The following MMS22L variants were observed in gnomAD, a reference collection of about 807,000 sequenced individuals.
MMS22L encodes MMS22 like, DNA repair protein, also known as protein MMS22-like.
Under a neutral mutation model 159.1 loss-of-function variants are expected in MMS22L, and 74 were observed. The ratio of observed to expected loss-of-function variants is 0.47; its 90% CI spans 0.39 to 0.56. The LOEUF (loss-of-function observed/expected upper bound fraction) is 0.56, where lower values mean the gene tolerates loss of function less well. MMS22L is among the 20% of genes least tolerant of loss of function. The pLI is 0.00. For synonymous variants in MMS22L, 517 were observed against 506.9 expected, an observed-to-expected ratio of 1.02 and a Z score of -0.27; for missense variants, 1,351 against 1,422.1, an observed-to-expected ratio of 0.95 and a Z score of 0.80.
At chr6:97,256,467 C>A (rs1813822279) in intron 9 of MMS22L, among the ~76,000 whole-genome samples, 1 of 152,104 alleles carries the variant, frequency 6.6e-6, no homozygotes, top group African/African-American at 2.4e-5. Context: ...CATTCTTCTG[C>A]CTAAATATCC....
intron 8 of MMS22L, chr6:97,265,160 C>T (rs951498374): frequency 1.3e-5 from 2 of 152,156 alleles, no homozygotes; most frequent in Admixed American, 6.5e-5. Flanking sequence ...TACAAAGCTA[C>T]AGTAATCAAA....
chr6:97,158,494 G>A (rs373281755), intron 22 of MMS22L, among the ~76,000 whole-genome samples: 2 of 152,164 alleles, frequency 1.3e-5, no homozygotes, highest in East Asian at 1.9e-4. Flanking sequence ...GTGTCCCAGA[G>A]ATTCTGGTAC....
intron 11 of MMS22L, among the ~76,000 whole-genome samples, chr6:97,237,569 C>A (rs1451889955): frequency 6.6e-6 from 1 of 152,134 alleles, no homozygotes; most frequent in East Asian, 1.9e-4. Context: ...TAAGAGCTCT[C>A]TGAAAGATAG....
In MMS22L at chr6:97,173,112, C is replaced by A. The variant is rs1803721532; in HGVS notation, c.2790G>T (p.Leu930Phe). 3 of 1,612,774 alleles carry A rather than the reference C, an allele frequency of 1.9e-6. No homozygotes were observed. The Admixed American group carries it at 5.0e-5, about 27-fold the overall frequency. The stretch of plus-strand genomic sequence containing the variant: ...GCCCTGCACTGAAAACTTTTTTTCC[C>A]AAATAAGGCTTAATATATTTTAATA... The part of the protein sequence containing the change: ...GEVLKYIKPY[L>F]GKKVFSAGLQ... Residue 930 changes from leucine to phenylalanine, a missense_variant, in exon 19 of 25, where the codon TTG (leucine) becomes TTT (phenylalanine). By Grantham distance (22) the Leu-to-Phe change is conservative (BLOSUM62 0). Transcript: ENST00000683635.
chr6:97,188,534 C>A lies in MMS22L; in HGVS notation c.2040-1844G>T, dbSNP rs552525951. On this transcript the variant is annotated intron_variant, in intron 14 of 24. Coordinates refer to ENST00000683635, the MANE Select transcript of MMS22L (RefSeq NM_001350599.2). ...GAAAGCTAAATATGCCCAAAGGTCA[C>A]ATGGCTAGAAAGGGCTGGCCCCATC... Among the ~76,000 whole-genome samples, 38 of 152,324 alleles carry A rather than the reference C, an allele frequency of 2.5e-4. No homozygotes were observed. In the South Asian group the frequency reaches 7.9e-3, roughly 32 times the overall value.
At chr6:97,177,732 T>C (rs193031708) in intron 18 of MMS22L, among the ~76,000 whole-genome samples, 3 of 152,282 alleles carry the variant, frequency 2.0e-5, no homozygotes, top group Non-Finnish European at 2.9e-5. Flanking sequence ...TTTAACTTAA[T>C]AGAAACCAAT....
rs898354417 is a variant in MMS22L at position 97,178,649 on chromosome 6, A to T, written c.2537-64T>A. On this transcript the variant is annotated intron_variant, in intron 17 of 24. Coordinates refer to ENST00000683635, the MANE Select transcript of MMS22L (RefSeq NM_001350599.2). ...TAACATACTATATACATAACCACAC[A>T]TACAACATATATATAATGTATATAT... The T allele has an allele frequency of 1.5e-5, 11 of 752,994 alleles. No individual in the cohort carries two copies. The African/African-American group carries it at 2.0e-4, about 14-fold the overall frequency. The allele number at this position is 752,994 out of a possible 1,614,324, so 46.6% of individuals were successfully genotyped here.
At chr6:97,181,660 A>C (rs978397740) in intron 16 of MMS22L, among the ~76,000 whole-genome samples, 3 of 152,212 alleles carry the variant, frequency 2.0e-5, no homozygotes, top group Non-Finnish European at 2.9e-5. Flanking sequence ...AGGCAGTCTT[A>C]CAAAAACAGT....
intron 14 of MMS22L, among the ~76,000 whole-genome samples, chr6:97,220,669 C>T (rs1215744049): frequency 6.6e-6 from 1 of 151,044 alleles, no homozygotes; most frequent in Non-Finnish European, 1.5e-5. Flanking sequence ...CGCTCCCCAC[C>T]TTACCAAAAG....
chr6:97,238,447 T>G (rs918779094), intron 11 of MMS22L, among the ~76,000 whole-genome samples: 3 of 152,116 alleles, frequency 2.0e-5, no homozygotes, highest in Non-Finnish European at 4.4e-5. Context: ...TTAAAGATTG[T>G]TTTTAGTAAG....
At chr6:97,232,758 A>G (rs938080824) in intron 12 of MMS22L, among the ~76,000 whole-genome samples, 1 of 152,066 alleles carries the variant, frequency 6.6e-6, no homozygotes, top group African/African-American at 2.4e-5. Context: ...GCATTTTTCT[A>G]ATTTTTTAAT....
chr6:97,252,670 ATCTATTTCATGTGTAT>A (rs548533413), intron 10 of MMS22L, among the ~76,000 whole-genome samples: 44 of 152,008 alleles, frequency 2.9e-4, no homozygotes, highest in African/African-American at 1.0e-3. Context: ...AAGTAGTACA[ATCTATTTCATGTGTAT>A]TCTCTGATAG....
chr6:97,204,665 T>C (rs1395320558), intron 14 of MMS22L, among the ~76,000 whole-genome samples: 1 of 151,690 alleles, frequency 6.6e-6, no homozygotes, highest in South Asian at 2.1e-4. Flanking sequence ...CATGGTGGCA[T>C]GCACCTGTAG....
At chr6:97,274,782 ATCTGT>A (rs1465975497) in intron 4 of MMS22L, among the ~76,000 whole-genome samples, 1 of 152,206 alleles carries the variant, frequency 6.6e-6, no homozygotes, top group African/African-American at 2.4e-5. Flanking sequence ...TTAAGTATCG[ATCTGT>A]TCAAGCATGA....
At chr6:97,176,059 A>AT (rs1246070343) in intron 18 of MMS22L, among the ~76,000 whole-genome samples, 3 of 152,212 alleles carry the variant, frequency 2.0e-5, no homozygotes, top group Admixed American at 6.5e-5. Flanking sequence ...CTGAAAGTAC[A>AT]TGTACTCAAG....
intron 14 of MMS22L, among the ~76,000 whole-genome samples, chr6:97,220,061 T>C (rs4072896): frequency 0.76 from 115,044 of 152,094 alleles, 44,516 homozygotes; most frequent in Middle Eastern, 0.84. Flanking sequence ...GACTCTCACA[T>C]GACATGCTTA....
At chr6:97,270,022 G>C in intron 6 of MMS22L, 30 bp from the exon 7 acceptor site, 2 of 1,529,654 alleles carry the variant, frequency 1.3e-6, no homozygotes, top group Non-Finnish European at 9.0e-7. Flanking sequence ...CTGTGATTGA[G>C]AATTCATTAA....
chr6:97,215,536 T>C (rs1395647500), intron 14 of MMS22L, among the ~76,000 whole-genome samples: 2 of 152,154 alleles, frequency 1.3e-5, no homozygotes, highest in African/African-American at 4.8e-5. Context: ...TAGCAGGTCA[T>C]CCCCTGCTCA....
In MMS22L at chr6:97,210,462, T is replaced by C. The variant is rs191428338; in HGVS notation, c.2039+18432A>G. Among the ~76,000 whole-genome samples the C allele has an allele frequency of 2.0e-3, 305 of 152,012 alleles. 1 individual carries two copies. Among genetic ancestry groups the C allele is most frequent in the Non-Finnish European group, 3.3e-3 (224 of 67,798 alleles). ...AAGAGAAAAGATTCATTTATGTATA[T>C]GAAATTTAATCTGACTCATTCTCCC... is the stretch of plus-strand genomic sequence containing the variant. On this transcript the variant is annotated intron_variant, in intron 14 of 24. Coordinates refer to ENST00000683635, the MANE Select transcript of MMS22L (RefSeq NM_001350599.2).
Sources: gnomAD v4.1 joint callset for allele counts (sites outside exome capture counted in the v4.1 genomes callset) on GRCh38, gnomAD v4.1.1 for gene constraint, MANE v1.5 for transcripts, NCBI Gene and HGNC (gene_info 2026-07-23, HGNC 2026-07-21) for gene names.